Variants in PDZRN4 observed in about 807,000 individuals in gnomAD.
PDZRN4 encodes the protein PDZ domain containing ring finger 4.
A neutral mutation model predicts 99.0 loss-of-function variants in PDZRN4; 70 were observed. The observed-to-expected ratio is 0.71, with a 90% CI of 0.58 to 0.86. The LOEUF (loss-of-function observed/expected upper bound fraction) is 0.86, where lower values mean the gene tolerates loss of function less well. Among genes scored for constraint, PDZRN4 ranks in the 40% least tolerant of loss-of-function variants. The pLI, the probability that PDZRN4 is intolerant of heterozygous loss-of-function variation, is 0.00. For missense variants in PDZRN4, 1,474 were observed against 1,331.2 expected (o/e 1.11, Z -1.67); for synonymous variants, 551 against 501.6 (o/e 1.10, Z -1.32).
In PDZRN4 at chr12:41,552,645, T is replaced by C; in HGVS notation, c.1204-11T>C. ...TGACATAAATGTCATCTGTGTGTGT[T>C]GTTCTTTCAGGAGGTCGAGTTGTGT... On this transcript the variant is annotated splice_polypyrimidine_tract_variant and intron_variant, in intron 5 of 9. Coordinates refer to ENST00000402685, the MANE Select transcript of PDZRN4 (RefSeq NM_001164595.2). The C allele has an allele frequency of 6.2e-7, 1 of 1,602,962 alleles. No individual in the cohort carries two copies. Among genetic ancestry groups the C allele is most frequent in the East Asian group, 2.2e-5 (1 of 44,776 alleles).
At chr12:41,230,903 G>C (rs1951024132) in intron 3 of PDZRN4, among the ~76,000 whole-genome samples, 1 of 151,952 alleles carries the variant, frequency 6.6e-6, no homozygotes, top group African/African-American at 2.4e-5. Flanking sequence ...AAGAAAATCT[G>C]TATTTCAGTC....
chr12:41,531,976 A>G (rs1332485663), intron 5 of PDZRN4, among the ~76,000 whole-genome samples: 1 of 152,116 alleles, frequency 6.6e-6, no homozygotes, highest in Non-Finnish European at 1.5e-5. Context: ...ATGGTTCATG[A>G]TTCTTCTATC....
chr12:41,281,254 G>A lies in PDZRN4; in HGVS notation c.843+87066G>A, dbSNP rs1005712233. Among the ~76,000 whole-genome samples, 3 of 151,396 alleles carry A rather than the reference G, an allele frequency of 2.0e-5. 1 individual carries two copies. In the Admixed American group the frequency reaches 2.0e-4, roughly 10 times the overall value. On this transcript the variant is annotated intron_variant, in intron 3 of 9. Coordinates refer to ENST00000402685, the MANE Select transcript of PDZRN4 (RefSeq NM_001164595.2). The stretch of plus-strand genomic sequence containing the variant: ...CAAAGGTAGATAAATCCACAAAGAT[G>A]AGGAAAAACCAGTGCAAATAGGCTG...
chr12:41,540,348 A>G (rs982093740), intron 5 of PDZRN4, among the ~76,000 whole-genome samples: 2 of 152,208 alleles, frequency 1.3e-5, no homozygotes, highest in African/African-American at 4.8e-5. Context: ...ATAGTACGGC[A>G]TGGAAGAGAT....
chr12:41,461,923 C>T (rs1952876991), intron 3 of PDZRN4, among the ~76,000 whole-genome samples: 1 of 152,088 alleles, frequency 6.6e-6, no homozygotes, highest in African/African-American at 2.4e-5. Context: ...ACCCCCCATG[C>T]CCCTAGAATA....
At chr12:41,426,501 C>A (rs1952537920) in intron 3 of PDZRN4, among the ~76,000 whole-genome samples, 1 of 152,120 alleles carries the variant, frequency 6.6e-6, no homozygotes, top group Non-Finnish European at 1.5e-5. Context: ...AAGAGTATAT[C>A]TTATTGAAAA....
intron 3 of PDZRN4, among the ~76,000 whole-genome samples, chr12:41,345,007 C>T (rs756352120): frequency 8.6e-5 from 13 of 152,038 alleles, no homozygotes; most frequent in Non-Finnish European, 1.6e-4. Context: ...CAAGCGGAGA[C>T]ATTTCAGGCT....
intron 3 of PDZRN4, chr12:41,437,766 C>CG: frequency 3.3e-6 from 5 of 1,509,776 alleles, no homozygotes; most frequent in Non-Finnish European, 4.4e-6. Context: ...CGAAGAAGAG[C>CG]ATGCTGCTAC....
intron 3 of PDZRN4, among the ~76,000 whole-genome samples, chr12:41,493,167 T>G (rs1163914359): frequency 6.6e-6 from 1 of 152,206 alleles, no homozygotes; most frequent in East Asian, 1.9e-4. Context: ...TGAAGTTATC[T>G]CTGCAGTGTT....
intron 3 of PDZRN4, among the ~76,000 whole-genome samples, chr12:41,391,912 T>C (rs1195074862): frequency 1.3e-5 from 2 of 152,164 alleles, no homozygotes; most frequent in African/African-American, 2.4e-5. Context: ...TGGTGTTTGT[T>C]TCAAATCCTA....
chr12:41,227,340 T>C (rs564883800), intron 3 of PDZRN4, among the ~76,000 whole-genome samples: 1 of 152,186 alleles, frequency 6.6e-6, no homozygotes, highest in African/African-American at 2.4e-5. Context: ...AGGGCCAATA[T>C]AGAATTTGCA....
intron 3 of PDZRN4, among the ~76,000 whole-genome samples, chr12:41,396,305 C>A (rs1012127335): frequency 1.3e-5 from 2 of 152,100 alleles, no homozygotes; most frequent in Admixed American, 6.6e-5. Flanking sequence ...GACCATAAGA[C>A]AGTTTCTTCA....
At chr12:41,236,896 T>A (rs1414653195) in intron 3 of PDZRN4, among the ~76,000 whole-genome samples, 5 of 152,142 alleles carry the variant, frequency 3.3e-5, no homozygotes, top group African/African-American at 1.2e-4. Context: ...TGCATCTATT[T>A]TATTTTATGT....
intron 5 of PDZRN4, among the ~76,000 whole-genome samples, chr12:41,535,328 A>C (rs1304350488): frequency 1.3e-5 from 2 of 152,184 alleles, no homozygotes; most frequent in African/African-American, 4.8e-5. Context: ...CTGGTTACAA[A>C]GTGTGTTTGT....
At chr12:41,367,539 A>G (rs1952010329) in intron 3 of PDZRN4, among the ~76,000 whole-genome samples, 1 of 151,990 alleles carries the variant, frequency 6.6e-6, no homozygotes, top group Non-Finnish European at 1.5e-5. Context: ...AAAGAAAGAA[A>G]GAAACATTAT....
intron 3 of PDZRN4, among the ~76,000 whole-genome samples, chr12:41,381,014 A>AT (rs1172315955): frequency 1.3e-5 from 2 of 151,940 alleles, no homozygotes; most frequent in East Asian, 1.9e-4. Flanking sequence ...TGACTGGAAG[A>AT]TTTTTTTCTT....
At chr12:41,379,474 C>T (rs1232193336) in intron 3 of PDZRN4, among the ~76,000 whole-genome samples, 1 of 150,642 alleles carries the variant, frequency 6.6e-6, no homozygotes, top group African/African-American at 2.4e-5. Context: ...ATTTTAGATC[C>T]TTCTGTTTTT....
At chr12:41,473,978 G>A (rs1953017787) in intron 3 of PDZRN4, among the ~76,000 whole-genome samples, 1 of 152,162 alleles carries the variant, frequency 6.6e-6, no homozygotes, top group African/African-American at 2.4e-5. Flanking sequence ...GGTAGAATTT[G>A]GATGAATGGC....
chr12:41,214,718 T>C (rs1475161556), intron 3 of PDZRN4, among the ~76,000 whole-genome samples: 1 of 151,916 alleles, frequency 6.6e-6, no homozygotes, highest in Non-Finnish European at 1.5e-5. Flanking sequence ...TGTCTTACTG[T>C]GGAGATTAGG....
Sources: gnomAD v4.1 joint callset for allele counts (sites outside exome capture counted in the v4.1 genomes callset) on GRCh38, gnomAD v4.1.1 for gene constraint, MANE v1.5 for transcripts, NCBI Gene and HGNC (gene_info 2026-07-23, HGNC 2026-07-21) for gene names.